Variants in LRP1B observed in about 807,000 individuals in gnomAD.
LRP1B encodes LDL receptor related protein 1B, also known as low-density lipoprotein receptor-related protein 1B.
Under a neutral mutation model 556.6 loss-of-function variants are expected in LRP1B, and 217 were observed. That is an observed-to-expected ratio of 0.39 (90% confidence interval 0.35 to 0.44). The LOEUF (loss-of-function observed/expected upper bound fraction) is 0.44, where lower values mean the gene tolerates loss of function less well. Ranked by LOEUF, LRP1B falls within the 20% of genes least tolerant of loss-of-function variation. The probability of loss-of-function intolerance (pLI) is 1.00; values close to 1 mark genes in which losing one functional copy is unlikely to be tolerated. For synonymous variants in LRP1B, 2,047 were observed against 1,865.8 expected (o/e 1.10, Z -2.50); for missense variants, 5,053 against 5,620.8 (o/e 0.90, Z 3.23).
At chr2:140,442,451 G>A (rs1056186300) in intron 66 of LRP1B, 53 bp downstream of exon 66, 27 of 1,567,766 alleles carry the variant, frequency 1.7e-5, no homozygotes, top group Admixed American at 7.7e-5. Context: ...TGTGGTTGTC[G>A]CAGATGATGA....
chr2:141,719,675 T>C (rs1484205250), intron 2 of LRP1B, among the ~76,000 whole-genome samples: 1 of 152,056 alleles, frequency 6.6e-6, no homozygotes, highest in Middle Eastern at 3.2e-3. Context: ...ATATACCCCA[T>C]GGAATACTAC....
intron 1 of LRP1B, among the ~76,000 whole-genome samples, chr2:142,027,873 C>T (rs1444858847): frequency 6.6e-6 from 1 of 151,858 alleles, no homozygotes; most frequent in South Asian, 2.1e-4. Flanking sequence ...CTGAAGGTAG[C>T]TGTCTGTTTT....
At chr2:141,901,098 T>C (rs1699605849) in intron 1 of LRP1B, among the ~76,000 whole-genome samples, 1 of 152,064 alleles carries the variant, frequency 6.6e-6, no homozygotes, top group African/African-American at 2.4e-5. Flanking sequence ...TATTCATTTA[T>C]CCAGTCCACA....
In LRP1B at chr2:142,104,700, T is replaced by C. The variant is rs115615958; in HGVS notation, c.82+25948A>G. On this transcript the variant is annotated intron_variant, in intron 1 of 90. Coordinates refer to ENST00000389484, the MANE Select transcript of LRP1B (RefSeq NM_018557.3). ...CCTGTCTCTCTTCAGCTCACCAGAG[T>C]TACTTTACTTGGGTCTCATTCCAGG... is the stretch of plus-strand genomic sequence containing the variant. Among the ~76,000 whole-genome samples the C allele has an allele frequency of 5.8e-3, 888 of 152,248 alleles. 3 individuals carry two copies. The highest frequency in any genetic ancestry group is 0.02 in the African/African-American group (823 of 41,550).
At chr2:141,853,515 G>A (rs977220768) in intron 1 of LRP1B, among the ~76,000 whole-genome samples, 6 of 151,442 alleles carry the variant, frequency 4.0e-5, no homozygotes, top group Admixed American at 6.6e-5. Context: ...ATTTTGAAGT[G>A]TATATGTATG....
At chr2:140,947,465 C>A (rs771645485) in intron 20 of LRP1B, among the ~76,000 whole-genome samples, 1 of 152,298 alleles carries the variant, frequency 6.6e-6, no homozygotes, top group East Asian at 1.9e-4. Context: ...GAAACTCAAG[C>A]CAGAATCCCC....
intron 1 of LRP1B, among the ~76,000 whole-genome samples, chr2:142,121,637 A>T (rs927007365): frequency 6.6e-6 from 1 of 152,090 alleles, no homozygotes; most frequent in Non-Finnish European, 1.5e-5. Context: ...ACGACTCCCA[A>T]TTGCATTGTC....
Position 141,247,246 on chromosome 2 carries a change from C to G in LRP1B, c.572G>C (p.Arg191Thr), listed in dbSNP as rs1684100452. 1 of 1,613,770 alleles carries G rather than the reference C, an allele frequency of 6.2e-7. No homozygotes were observed. Among genetic ancestry groups the G allele is most frequent in the Non-Finnish European group, 8.5e-7 (1 of 1,179,786 alleles). ...VEGYLMQPDNRSCKAKIEPTD... is the reference protein window; with the variant it reads ...VEGYLMQPDNTSCKAKIEPTD... ...CTTACCAATTTTAGCCTTGCAAGAT[C>G]TGTTGTCTGGCTGCATTAGGTAGCC... Residue 191 changes from arginine (R) to threonine (T), a missense_variant, in exon 5 of 91, where the codon AGA becomes ACA. By Grantham distance (71) the Arg-to-Thr change is moderately conservative. This residue lies in a region of LRP1B where 3,619 missense variants were observed against 3,931.9 expected (regional missense o/e 0.92). Coordinates refer to ENST00000389484, the MANE Select transcript of LRP1B (RefSeq NM_018557.3).
intron 2 of LRP1B, among the ~76,000 whole-genome samples, chr2:141,794,236 T>C (rs990474040): frequency 2.0e-5 from 3 of 151,922 alleles, no homozygotes; most frequent in Non-Finnish European, 4.4e-5. Flanking sequence ...TGAAAACTCT[T>C]CCCCTTTGCA....
intron 32 of LRP1B, among the ~76,000 whole-genome samples, chr2:140,800,147 G>GA (rs1690456882): frequency 6.6e-6 from 1 of 152,080 alleles, no homozygotes; most frequent in South Asian, 2.1e-4. Context: ...CTATCGCAGG[G>GA]ACAAAATACC....
At chr2:141,055,013 G>A (rs1699137942) in intron 10 of LRP1B, 103 bp downstream of exon 10, 2 of 1,293,546 alleles carry the variant, frequency 1.5e-6, no homozygotes, top group Admixed American at 4.6e-5. Flanking sequence ...AACTTCACCT[G>A]TTGAAGTCTC....
chr2:140,691,015 C>G (rs968323388), intron 41 of LRP1B, among the ~76,000 whole-genome samples: 7 of 152,030 alleles, frequency 4.6e-5, no homozygotes, highest in African/African-American at 1.7e-4. Context: ...ATTCTATGAT[C>G]AAATTAAAAC....
At chr2:141,473,925 A>C (rs1682581406) in intron 3 of LRP1B, among the ~76,000 whole-genome samples, 1 of 119,520 alleles carries the variant, frequency 8.4e-6, no homozygotes, top group African/African-American at 2.9e-5. Flanking sequence ...AGGCTATGAC[A>C]AGATTAATTA....
chr2:140,377,261 G>C (rs1326251909), intron 68 of LRP1B, among the ~76,000 whole-genome samples: 1 of 152,086 alleles, frequency 6.6e-6, no homozygotes, highest in African/African-American at 2.4e-5. Flanking sequence ...TATTTTAGAA[G>C]AGACAGGGTT....
chr2:141,760,099 G>A (rs10193328), intron 2 of LRP1B, among the ~76,000 whole-genome samples: 98,920 of 151,928 alleles, frequency 0.65, 34,452 homozygotes, highest in East Asian at 0.83. Flanking sequence ...ATTTACTTCC[G>A]TTTGATGTAG....
At chr2:141,875,727 C>T (rs569602426) in intron 1 of LRP1B, among the ~76,000 whole-genome samples, 1 of 152,034 alleles carries the variant, frequency 6.6e-6, no homozygotes, top group Non-Finnish European at 1.5e-5. Context: ...TATTTGAGTT[C>T]ATGGAGAAGT....
chr2:140,903,864 A>G (rs1421170710), intron 22 of LRP1B, among the ~76,000 whole-genome samples: 2 of 151,842 alleles, frequency 1.3e-5, no homozygotes, highest in Non-Finnish European at 2.9e-5. Context: ...GAGCAATAGT[A>G]TTGATTACAT....
intron 79 of LRP1B, among the ~76,000 whole-genome samples, chr2:140,331,198 A>C (rs1032007637): frequency 2.0e-5 from 3 of 152,100 alleles, no homozygotes; most frequent in Non-Finnish European, 4.4e-5. Flanking sequence ...TAGACTGCAT[A>C]AAGAAAATGT....
At chr2:142,116,216 G>A (rs13395295) in intron 1 of LRP1B, among the ~76,000 whole-genome samples, 8,701 of 78,714 alleles carry the variant, frequency 0.11, 477 homozygotes, top group Non-Finnish European at 0.13. Context: ...AAAAAAAAAA[G>A]AATGAGAAAG....
Sources: gnomAD v4.1 joint callset for allele counts (sites outside exome capture counted in the v4.1 genomes callset) on GRCh38, gnomAD v4.1.1 for gene constraint, gnomAD v4.1.1 regional missense constraint, MANE v1.5 for transcripts, NCBI Gene and HGNC (gene_info 2026-07-23, HGNC 2026-07-21) for gene names.